The following PLPP3 variants were observed in gnomAD, a reference collection of about 807,000 sequenced individuals.
The protein encoded by PLPP3 is PAP2 beta.
Under a neutral mutation model 29.6 loss-of-function variants are expected in PLPP3, and 6 were observed. That is an observed-to-expected ratio of 0.20 (90% CI 0.11 to 0.40). The LOEUF (loss-of-function observed/expected upper bound fraction) is 0.40, where lower values mean the gene tolerates loss of function less well. Ranked by LOEUF, PLPP3 falls within the 10% of genes least tolerant of loss-of-function variation. The pLI is 1.00. For synonymous variants in PLPP3, 152 were observed against 159.7 expected (o/e 0.95, Z 0.36); for missense variants, 308 against 407.7 (o/e 0.76, Z 2.11).
At chr1:56,578,456 C>G (rs981449572) in intron 1 of PLPP3, among the ~76,000 whole-genome samples, 1 of 152,130 alleles carries the variant, frequency 6.6e-6, no homozygotes, top group African/African-American at 2.4e-5. Context: ...CGGCTCCAGG[C>G]AGGAGCCCGA....
intron 1 of PLPP3, among the ~76,000 whole-genome samples, chr1:56,570,921 C>T (rs1646193574): frequency 6.6e-6 from 1 of 152,084 alleles, no homozygotes; most frequent in Non-Finnish European, 1.5e-5. Context: ...AGTAATATTT[C>T]AAAACACTGC....
intron 1 of PLPP3, among the ~76,000 whole-genome samples, chr1:56,551,681 T>C (rs1337310038): frequency 6.6e-6 from 1 of 152,224 alleles, no homozygotes; most frequent in African/African-American, 2.4e-5. Context: ...TCCATCAAGA[T>C]GATAGAATGG....
chr1:56,531,667 G>A (rs1368859058), intron 2 of PLPP3, among the ~76,000 whole-genome samples: 1 of 152,204 alleles, frequency 6.6e-6, no homozygotes, highest in African/African-American at 2.4e-5. Flanking sequence ...CGACCAGAGT[G>A]GGCCTTCATT....
chr1:56,541,179 T>G (rs1445647259), intron 1 of PLPP3, among the ~76,000 whole-genome samples: 1 of 152,188 alleles, frequency 6.6e-6, no homozygotes, highest in Non-Finnish European at 1.5e-5. Flanking sequence ...GAGACTTCAG[T>G]TAACCCTTAT....
intron 2 of PLPP3, among the ~76,000 whole-genome samples, chr1:56,532,815 T>C (rs745828903): frequency 2.6e-4 from 39 of 152,142 alleles, no homozygotes; most frequent in Non-Finnish European, 4.0e-4. Flanking sequence ...AAATCAGATC[T>C]GTCTCTCCCC....
chr1:56,536,128 G>A (rs1645925343), intron 2 of PLPP3, among the ~76,000 whole-genome samples: 1 of 152,120 alleles, frequency 6.6e-6, no homozygotes, highest in Non-Finnish European at 1.5e-5. Context: ...CTTGGGTATA[G>A]CGGGCTCCTT....
chr1:56,514,659 G>A (rs1332750985), intron 4 of PLPP3, among the ~76,000 whole-genome samples: 1 of 152,144 alleles, frequency 6.6e-6, no homozygotes, highest in Non-Finnish European at 1.5e-5. Flanking sequence ...AGTCCTGAAG[G>A]AAAGAATACT....
At chr1:56,537,610 G>T (rs977764208) in intron 1 of PLPP3, among the ~76,000 whole-genome samples, 3 of 152,032 alleles carry the variant, frequency 2.0e-5, no homozygotes, top group Admixed American at 6.6e-5. Flanking sequence ...ACTTCCTCTG[G>T]TTCCCACTCC....
intron 4 of PLPP3, among the ~76,000 whole-genome samples, chr1:56,520,082 T>C (rs1645808720): frequency 6.6e-6 from 1 of 152,130 alleles, no homozygotes; most frequent in African/African-American, 2.4e-5. Context: ...AGAGCCATTG[T>C]GATTGAGAGA....
intron 1 of PLPP3, 62 bp from the exon 2 acceptor site, chr1:56,537,174 A>T: frequency 1.3e-6 from 2 of 1,529,810 alleles, no homozygotes. Flanking sequence ...AGGGGAAAAC[A>T]TCAGTGCCAA....
chr1:56,555,433 T>TAAAAAAAAAAAAAAAAAAAAAAAA (rs66593221), intron 1 of PLPP3, among the ~76,000 whole-genome samples: 23 of 33,216 alleles, frequency 6.9e-4, no homozygotes, highest in African/African-American at 1.1e-3. Flanking sequence ...GGCCAAACAC[T>TAAAAAAAAAAAAAAAAAAAAAAAA]AAAAAAAAAA....
At chr1:56,557,354 G>T (rs1646092186) in intron 1 of PLPP3, among the ~76,000 whole-genome samples, 1 of 151,642 alleles carries the variant, frequency 6.6e-6, no homozygotes, top group Non-Finnish European at 1.5e-5. Context: ...CTCCAGCCTG[G>T]TGACAAAGCG....
At chr1:56,577,087 C>G (rs957281855) in intron 1 of PLPP3, among the ~76,000 whole-genome samples, 1 of 152,172 alleles carries the variant, frequency 6.6e-6, no homozygotes, top group African/African-American at 2.4e-5. Flanking sequence ...CACAGGCACT[C>G]TAGAAAGAGC....
chr1:56,521,146 G>A (rs1186554652), intron 4 of PLPP3, among the ~76,000 whole-genome samples: 1 of 145,070 alleles, frequency 6.9e-6, no homozygotes, highest in Non-Finnish European at 1.5e-5. Context: ...GAGGTGGAAG[G>A]ATCACCTGAG....
intron 1 of PLPP3, among the ~76,000 whole-genome samples, chr1:56,550,710 C>T (rs1646032316): frequency 6.6e-6 from 1 of 151,980 alleles, no homozygotes; most frequent in Non-Finnish European, 1.5e-5. Flanking sequence ...TCTCTCTGCC[C>T]ATCCTCCTCC....
In PLPP3 at chr1:56,494,900, C is replaced by T. The variant is rs1420618027; in HGVS notation, c.*1651G>A. 1.3e-5 allele frequency: 2 copies of T among 152,556 alleles called. No individual in the cohort carries two copies. The highest frequency in any genetic ancestry group is 4.8e-5 in the African/African-American group (2 of 41,406). 9.5% of individuals were successfully genotyped at this position (152,556 alleles called of 1,614,324 possible). ...AAATGGAACCTTACAAAAATACTGA[C>T]AATTTAATGTTTTTATACAGTTTTC... On this transcript the variant is annotated 3_prime_UTR_variant, in exon 6 of 6. Coordinates refer to ENST00000371250, the MANE Select transcript of PLPP3 (RefSeq NM_003713.5).
chr1:56,554,905 T>C (rs1646063728), intron 1 of PLPP3, among the ~76,000 whole-genome samples: 1 of 152,242 alleles, frequency 6.6e-6, no homozygotes, highest in African/African-American at 2.4e-5. Flanking sequence ...AGTCAATCCC[T>C]ATCTCTGTTT....
intron 4 of PLPP3, among the ~76,000 whole-genome samples, chr1:56,517,437 A>C (rs1362354897): frequency 6.6e-6 from 1 of 152,256 alleles, no homozygotes; most frequent in African/African-American, 2.4e-5. Context: ...AGGAAAGAAA[A>C]CCACCATTTT....
Position 56,500,489 on chromosome 1 carries a change from A to C in PLPP3, c.811-3813T>G, listed in dbSNP as rs143561902. The stretch of plus-strand genomic sequence containing the variant: ...CTAGGATGTTATAGGCAAAGGGAAT[A>C]GTGTGTGCAAAGGTACAGGAGAAAG... On this transcript the variant is annotated intron_variant, in intron 5 of 5. Coordinates refer to ENST00000371250, the MANE Select transcript of PLPP3 (RefSeq NM_003713.5). Among the ~76,000 whole-genome samples the C allele has an allele frequency of 6.2e-3, 950 of 152,342 alleles. 9 individuals are homozygous for C. Among genetic ancestry groups the C allele is most frequent in the African/African-American group, 0.022 (910 of 41,576 alleles).
Sources: allele counts gnomAD v4.1 joint callset (sites outside exome capture counted in the v4.1 genomes callset), GRCh38; gene constraint gnomAD v4.1.1; transcripts MANE v1.5; gene names NCBI Gene and HGNC (gene_info 2026-07-23, HGNC 2026-07-21).